Variants in LIN28B observed in about 807,000 individuals in gnomAD.
The protein encoded by LIN28B is protein lin-28 homolog B.
Under a neutral mutation model 21.9 loss-of-function variants are expected in LIN28B, and 5 were observed. The ratio of observed to expected loss-of-function variants is 0.23; its 90% CI spans 0.12 to 0.48. The LOEUF is 0.48. Among genes scored for constraint, LIN28B ranks in the 20% least tolerant of loss-of-function variants. The pLI is 0.98. For synonymous variants in LIN28B, 109 were observed against 111.3 expected, an observed-to-expected ratio of 0.98 and a Z score of 0.13; for missense variants, 245 against 310.5, an observed-to-expected ratio of 0.79 and a Z score of 1.58.
intron 2 of LIN28B, among the ~76,000 whole-genome samples, chr6:104,978,704 A>T (rs1770158366): frequency 6.6e-6 from 1 of 152,146 alleles, no homozygotes; most frequent in Non-Finnish European, 1.5e-5. Context: ...GTGAAATTTA[A>T]TGGAATAAAA....
intron 1 of LIN28B, among the ~76,000 whole-genome samples, chr6:104,957,783 T>C (rs1422504263): frequency 6.6e-6 from 1 of 152,150 alleles, no homozygotes; most frequent in East Asian, 1.9e-4. Context: ...ATCAGCAATA[T>C]ACAAGTAAAG....
At chr6:105,063,655 A>C (rs924392410) in intron 3 of LIN28B, among the ~76,000 whole-genome samples, 1 of 144,992 alleles carries the variant, frequency 6.9e-6, no homozygotes, top group African/African-American at 2.7e-5. Context: ...GGGGAAAAAA[A>C]GGTAAAGTAA....
chr6:105,054,993 G>A (rs889242297), intron 3 of LIN28B, among the ~76,000 whole-genome samples: 1 of 151,888 alleles, frequency 6.6e-6, no homozygotes, highest in African/African-American at 2.4e-5. Context: ...TTGTCAACTG[G>A]TCTTCATTAT....
chr6:105,072,870 C>G (rs1347279929), intron 3 of LIN28B, among the ~76,000 whole-genome samples: 1 of 152,158 alleles, frequency 6.6e-6, no homozygotes, highest in Non-Finnish European at 1.5e-5. Context: ...TCAAAGTTTC[C>G]TAACTCCTCT....
intron 3 of LIN28B, among the ~76,000 whole-genome samples, chr6:105,028,401 G>A (rs1771349932): frequency 6.6e-6 from 1 of 152,190 alleles, no homozygotes; most frequent in Admixed American, 6.5e-5. Context: ...GGCAAGGATA[G>A]AAGCTGAAAG....
intron 2 of LIN28B, among the ~76,000 whole-genome samples, chr6:104,987,608 G>T (rs1207342096): frequency 6.6e-6 from 1 of 152,074 alleles, no homozygotes; most frequent in East Asian, 1.9e-4. Flanking sequence ...TTACAGGTGT[G>T]AGCCACTGCA....
chr6:105,037,216 A>G (rs1771538244), intron 3 of LIN28B, among the ~76,000 whole-genome samples: 5 of 152,128 alleles, frequency 3.3e-5, no homozygotes, highest in Admixed American at 2.6e-4. Flanking sequence ...TGCACTGCTG[A>G]ATCCTTCCAC....
intron 2 of LIN28B, among the ~76,000 whole-genome samples, chr6:105,016,568 T>A (rs926495502): frequency 1.3e-4 from 20 of 152,152 alleles, no homozygotes; most frequent in Admixed American, 1.3e-3. Context: ...ACTCTTGATG[T>A]CCTCATCTAA....
Position 105,026,482 on chromosome 6 carries a change from G to A in LIN28B, c.383G>A (p.Arg128Lys). ...CAGAAAAGAAAACCAAAGGGAGATA[G>A]GTAATCATTTTTACTTTGTTAATTT... is the stretch of plus-strand genomic sequence containing the variant. ...TLQKRKPKGD[R>K]CYNCGGLDHH... is the part of the protein sequence containing the mutation. Residue 128 changes from arginine to lysine, a missense_variant and splice_region_variant, in exon 3 of 4, where the codon AGA becomes AAA. Arg to Lys is a conservative substitution (Grantham distance 26). Transcript: ENST00000345080. 6.5e-7 allele frequency: 1 copy of A among 1,540,900 alleles called. No homozygotes were observed. Among genetic ancestry groups the A allele is most frequent in the South Asian group, 1.2e-5 (1 of 80,454 alleles).
At chr6:105,018,079 C>T (rs1771065655) in intron 2 of LIN28B, among the ~76,000 whole-genome samples, 1 of 151,678 alleles carries the variant, frequency 6.6e-6, no homozygotes, top group South Asian at 2.1e-4. Context: ...CAAGACCAGC[C>T]TAGTGAGACT....
chr6:105,078,399 C>G lies in LIN28B; in HGVS notation c.384-15C>G, dbSNP rs1368126406. 2 of 1,580,328 alleles carry G rather than the reference C, an allele frequency of 1.3e-6. No homozygotes were observed. Among genetic ancestry groups the G allele is most frequent in the Admixed American group, 1.7e-5 (1 of 57,684 alleles). On this transcript the variant is annotated splice_polypyrimidine_tract_variant and intron_variant, in intron 3 of 3. Transcript: ENST00000345080. Reference sequence around the variant, plus strand: ...CTGCCTACTTCTAAGATGTTTTCATCTTTTTTCCTTGTAGATGCTACAACT... The same window carrying G: ...CTGCCTACTTCTAAGATGTTTTCATGTTTTTTCCTTGTAGATGCTACAACT...
In LIN28B at chr6:105,080,430, T is replaced by A. The variant is rs192366136; in HGVS notation, c.*1647T>A. ...AACAGTTTCTACTTCCTCTCCCGCC[T>A]GTCCTGTCATGGGAGACGTGTATAG... On this transcript the variant is annotated 3_prime_UTR_variant, in exon 4 of 4. Transcript: ENST00000345080. 1.1e-3 allele frequency: 175 copies of A among 152,742 alleles called. 3 individuals are homozygous for A. Among genetic ancestry groups the A allele is most frequent in the Non-Finnish European group, 1.9e-4 (13 of 68,038 alleles). The allele number at this position is 152,742 out of a possible 1,614,324, so 9.5% of individuals were successfully genotyped here.
intron 2 of LIN28B, among the ~76,000 whole-genome samples, chr6:104,980,437 T>G (rs1488546803): frequency 1.3e-5 from 2 of 152,142 alleles, no homozygotes; most frequent in African/African-American, 4.8e-5. Flanking sequence ...TCTTGAAATT[T>G]TGTGTGACAT....
intron 2 of LIN28B, among the ~76,000 whole-genome samples, chr6:104,966,344 C>G (rs970046262): frequency 1.3e-5 from 2 of 151,876 alleles, no homozygotes; most frequent in Middle Eastern, 3.4e-3. Flanking sequence ...TGGTAAGGGT[C>G]AATTGAAATA....
chr6:104,950,037 T>C (rs1477409531), intron 2 of LIN28B, among the ~76,000 whole-genome samples: 3 of 152,216 alleles, frequency 2.0e-5, no homozygotes, highest in Non-Finnish European at 2.9e-5. Context: ...ATTTATCTTC[T>C]GAAATATATC....
intron 2 of LIN28B, among the ~76,000 whole-genome samples, chr6:104,942,450 T>C (rs550933852): frequency 9.2e-5 from 14 of 152,278 alleles, no homozygotes; most frequent in African/African-American, 3.1e-4. Flanking sequence ...AGGGAAGATT[T>C]GAAAGTTAAG....
rs537966076 is a variant in LIN28B, at chr6:105,026,258, ATC to A, written c.199-34_199-33del. 1.7e-4 allele frequency: 186 copies of A among 1,103,012 alleles called. No homozygotes were observed. The African/African-American group carries it at 2.6e-3, about 15-fold the overall frequency. 68.3% of individuals were successfully genotyped at this position (1,103,012 alleles called of 1,614,324 possible). A position where few individuals can be genotyped will look rare whatever the true frequency, so the allele number is the denominator to read the frequency against. The stretch of plus-strand genomic sequence containing the variant: ...AATTTATAAAGCAATGATAATTTTA[ATC>A]TCTCTTTTTCTCCCCCACCCTCTTC... On this transcript the variant is annotated intron_variant, in intron 2 of 3. Coordinates refer to ENST00000345080, the MANE Select transcript of LIN28B (RefSeq NM_001004317.4).
chr6:105,037,504 C>T (rs1486096180), intron 3 of LIN28B, among the ~76,000 whole-genome samples: 3 of 148,890 alleles, frequency 2.0e-5, no homozygotes, highest in Non-Finnish European at 4.5e-5. Flanking sequence ...CCCTCCTCCC[C>T]GCTCCCTTCC....
intron 3 of LIN28B, among the ~76,000 whole-genome samples, chr6:105,065,771 T>C (rs2114408081): frequency 6.6e-6 from 1 of 152,344 alleles, no homozygotes; most frequent in South Asian, 2.1e-4. Flanking sequence ...CACTGTGTTC[T>C]AAGACCACTG....
Sources: allele counts gnomAD v4.1 joint callset (sites outside exome capture counted in the v4.1 genomes callset), GRCh38; gene constraint gnomAD v4.1.1; transcripts MANE v1.5; gene names NCBI Gene and HGNC (gene_info 2026-07-23, HGNC 2026-07-21).